KLHL18: variants seen among roughly 807,000 people sequenced by gnomAD.
The protein encoded by KLHL18 is kelch like family member 18.
Under a neutral mutation model 58.5 loss-of-function variants are expected in KLHL18, and 38 were observed. The observed-to-expected ratio is 0.65, with a 90% confidence interval of 0.50 to 0.85. The LOEUF is 0.85. KLHL18 is among the 40% of genes least tolerant of loss of function. The pLI, the probability that KLHL18 is intolerant of heterozygous loss-of-function variation, is 0.00. For missense variants in KLHL18, 624 were observed against 778.4 expected, an observed-to-expected ratio of 0.80 and a Z score of 2.36; for synonymous variants, 303 against 301.9, an observed-to-expected ratio of 1.00 and a Z score of -0.04.
At chr3:47,292,858 G>T (rs960952461) in intron 1 of KLHL18, among the ~76,000 whole-genome samples, 5 of 146,836 alleles carry the variant, frequency 3.4e-5, no homozygotes, top group African/African-American at 1.3e-4. Flanking sequence ...AGTGAGCCAT[G>T]ATTATACCAC....
intron 1 of KLHL18, among the ~76,000 whole-genome samples, chr3:47,312,388 T>C (rs1050693506): frequency 6.6e-6 from 1 of 152,236 alleles, no homozygotes; most frequent in East Asian, 1.9e-4. Flanking sequence ...TTTTTAGAGG[T>C]GGGTATGTAG....
Position 47,344,877 on chromosome 3 carries a change from G to A in KLHL18, c.*936G>A, listed in dbSNP as rs1318586619. ...CAGTGCACTCTTGACTGGGCCTGTA[G>A]TAAGGTGCTCATGGGGTTTGTCTTC... On this transcript the variant is annotated 3_prime_UTR_variant, in exon 10 of 10. Transcript: ENST00000232766. 1 of 152,588 alleles carries A rather than the reference G, an allele frequency of 6.6e-6. No homozygotes were observed. The highest frequency in any genetic ancestry group is 1.5e-5 in the Non-Finnish European group (1 of 68,074). 9.5% of individuals were successfully genotyped at this position (152,588 alleles called of 1,614,324 possible).
rs746108638 is a variant in KLHL18 at position 47,334,728 on chromosome 3, C to T, written c.807C>T (p.Arg269=). The T allele has an allele frequency of 6.2e-7, 1 of 1,614,186 alleles. No individual in the cohort carries two copies. The highest frequency in any genetic ancestry group is 1.7e-5 in the Admixed American group (1 of 60,026). The change falls in exon 6 of 10, where the codon CGC becomes CGT. Residue 269 remains arginine, a synonymous_variant. Coordinates refer to ENST00000232766, the MANE Select transcript of KLHL18 (RefSeq NM_025010.5). This position sits in a 1 kb window ranked among gnomAD's most constrained non-coding sequence, Gnocchi z 4.7. The stretch of plus-strand genomic sequence containing the variant: ...AGGACTACCACCTCATGCCAGAGCG[C>T]CGGCCCCACCTGCCAGCTTTCAGAA... ...EAKDYHLMPE[R]RPHLPAFRTR...
At chr3:47,297,699 T>A (rs1702926055) in intron 1 of KLHL18, 1 of 449,810 alleles carries the variant, frequency 2.2e-6, no homozygotes, top group Non-Finnish European at 4.5e-6. Context: ...ATTTTGTTAC[T>A]TGTTTGTATC....
At chr3:47,283,336 T>C (rs1391666908) in intron 1 of KLHL18, 12 of 535,594 alleles carry the variant, frequency 2.2e-5, no homozygotes, top group Non-Finnish European at 3.0e-5. Flanking sequence ...CTTAGGCCCT[T>C]GGAGTGGGAG....
At position 47,346,141 on chromosome 3, in the gene KLHL18, G is replaced by A. The variant is rs966385507; in HGVS notation, c.*2200G>A. 2 of 152,582 alleles carry A rather than the reference G, an allele frequency of 1.3e-5. No homozygotes were observed. The highest frequency in any genetic ancestry group is 4.8e-5 in the African/African-American group (2 of 41,440). 9.5% of individuals were successfully genotyped at this position (152,582 alleles called of 1,614,324 possible). ...TGGATTGTGAAGGTATTAAGAATCGGTCTGTGGGCTACTGAGTGGGTCCTT... is the reference window on the plus strand; with the variant it reads ...TGGATTGTGAAGGTATTAAGAATCGATCTGTGGGCTACTGAGTGGGTCCTT... On this transcript the variant is annotated 3_prime_UTR_variant, in exon 10 of 10. Transcript: ENST00000232766.
At chr3:47,321,367 G>A (rs568405438) in intron 2 of KLHL18, among the ~76,000 whole-genome samples, 4 of 142,822 alleles carry the variant, frequency 2.8e-5, no homozygotes, top group Admixed American at 2.1e-4. Flanking sequence ...TTTTTTTTGA[G>A]ATGGAATCTC....
intron 1 of KLHL18, among the ~76,000 whole-genome samples, chr3:47,298,495 T>A (rs1472814122): frequency 1.3e-5 from 2 of 152,202 alleles, no homozygotes; most frequent in African/African-American, 4.8e-5. Flanking sequence ...ACATCATTTA[T>A]TCGACAAATA....
At chr3:47,290,372 G>A (rs949105859) in intron 1 of KLHL18, among the ~76,000 whole-genome samples, 2 of 152,118 alleles carry the variant, frequency 1.3e-5, no homozygotes, top group Non-Finnish European at 2.9e-5. Flanking sequence ...TGGAAAACTT[G>A]TGCTTCTGAA....
chr3:47,314,489 G>GT (rs1369033360), intron 1 of KLHL18, among the ~76,000 whole-genome samples: 1 of 113,794 alleles, frequency 8.8e-6, no homozygotes, highest in Admixed American at 8.8e-5. Flanking sequence ...TTTGTTTTTT[G>GT]TCTTTTTTTT....
At chr3:47,286,354 T>C (rs756208598) in intron 1 of KLHL18, among the ~76,000 whole-genome samples, 13 of 152,238 alleles carry the variant, frequency 8.5e-5, no homozygotes, top group Non-Finnish European at 1.6e-4. Context: ...CCACCAGAGC[T>C]GTCCTGGGAA....
At chr3:47,291,407 A>G (rs561405193) in intron 1 of KLHL18, among the ~76,000 whole-genome samples, 39 of 152,322 alleles carry the variant, frequency 2.6e-4, no homozygotes, top group Admixed American at 6.5e-4. Flanking sequence ...CTTTTTTCCA[A>G]TTGGGGACAA....
chr3:47,285,417 A>G (rs866925594), intron 1 of KLHL18, among the ~76,000 whole-genome samples: 1 of 152,348 alleles, frequency 6.6e-6, no homozygotes, highest in African/African-American at 2.4e-5. Flanking sequence ...GAATTTCTAG[A>G]TTAAAATTTA....
At chr3:47,320,951 T>G (rs1450203874) in intron 2 of KLHL18, among the ~76,000 whole-genome samples, 1 of 152,090 alleles carries the variant, frequency 6.6e-6, no homozygotes, top group African/African-American at 2.4e-5. Flanking sequence ...CAGTTACTTA[T>G]GAGGAAAGAC....
At chr3:47,329,507 G>A (rs1703805186) in intron 3 of KLHL18, among the ~76,000 whole-genome samples, 1 of 152,226 alleles carries the variant, frequency 6.6e-6, no homozygotes, top group Admixed American at 6.5e-5. Flanking sequence ...GATTACAGGC[G>A]TGAGCCACCG....
intron 3 of KLHL18, among the ~76,000 whole-genome samples, chr3:47,329,657 C>T (rs1024154143): frequency 6.6e-6 from 1 of 152,214 alleles, no homozygotes; most frequent in Non-Finnish European, 1.5e-5. Flanking sequence ...TCAGTGCCTG[C>T]ACTCCTGTGA....
chr3:47,297,416 T>C lies in KLHL18; in HGVS notation c.129+14322T>C, dbSNP rs1048734330. The C allele has an allele frequency of 9.3e-5, 34 of 365,650 alleles. 1 individual carries two copies. The highest frequency in any genetic ancestry group is 6.6e-4 in the South Asian group (32 of 48,816). The allele number at this position is 365,650 out of a possible 1,614,324, so 22.7% of individuals were successfully genotyped here. A position where few individuals can be genotyped will look rare whatever the true frequency, so the allele number is the denominator to read the frequency against. The stretch of plus-strand genomic sequence containing the variant: ...AATCCCCCTGACTTCCATTTCCTTA[T>C]ATGCCATCTTGTTAGAAACCCACAA... On this transcript the variant is annotated intron_variant, in intron 1 of 9. Coordinates refer to ENST00000232766, the MANE Select transcript of KLHL18 (RefSeq NM_025010.5).
rs563509123 is a variant in KLHL18 at position 47,321,199 on chromosome 3, A to T, written c.261-1369A>T. ...GTGGAGGGGGAGGCAATGGAGTCTC[A>T]CTCTTGGCACCCAGGCTGGAGTGCA... On this transcript the variant is annotated intron_variant, in intron 2 of 9. Transcript: ENST00000232766. Among the ~76,000 whole-genome samples, 16 of 151,354 alleles carry T rather than the reference A, an allele frequency of 1.1e-4. No individual in the cohort carries two copies. The South Asian group carries it at 2.9e-3, about 28-fold the overall frequency.
intron 1 of KLHL18, among the ~76,000 whole-genome samples, chr3:47,293,628 T>C (rs1702835582): frequency 6.6e-6 from 1 of 152,236 alleles, no homozygotes; most frequent in Non-Finnish European, 1.5e-5. Flanking sequence ...GCTGTAAATG[T>C]CGTGTAACCT....
Sources: allele counts gnomAD v4.1 joint callset (sites outside exome capture counted in the v4.1 genomes callset), GRCh38; gene constraint gnomAD v4.1.1; non-coding constraint Gnocchi (gnomAD v3.1); transcripts MANE v1.5; gene names NCBI Gene and HGNC (gene_info 2026-07-23, HGNC 2026-07-21).